Variants in MME observed in about 807,000 individuals in gnomAD.
The protein encoded by MME is neprilysin.
In MME, 98 loss-of-function variants were observed where a neutral mutation model predicts 113.2. That is an observed-to-expected ratio of 0.87 (90% CI 0.74 to 1.02). MME has a LOEUF of 1.02. Among genes scored for constraint, MME ranks in the 50% least tolerant of loss-of-function variants. The pLI, the probability that MME is intolerant of heterozygous loss-of-function variation, is 0.00. For synonymous variants in MME, 292 were observed against 300.6 expected (o/e 0.97, Z 0.30); for missense variants, 836 against 896.0 (o/e 0.93, Z 0.86).
At chr3:155,142,559 G>C (rs1225256998) in intron 12 of MME, among the ~76,000 whole-genome samples, 2 of 152,100 alleles carry the variant, frequency 1.3e-5, no homozygotes, top group Non-Finnish European at 1.5e-5. Context: ...GTCCTGTAAG[G>C]AGTTACATTT....
chr3:155,095,568 C>T (rs1225445306), intron 3 of MME, among the ~76,000 whole-genome samples: 1 of 151,824 alleles, frequency 6.6e-6, no homozygotes, highest in African/African-American at 2.4e-5. Flanking sequence ...TTTTTAGAGG[C>T]AGGGTCTCCT....
intron 1 of MME, among the ~76,000 whole-genome samples, chr3:155,057,380 A>G (rs961495716): frequency 1.3e-5 from 2 of 152,156 alleles, no homozygotes; most frequent in East Asian, 3.8e-4. Flanking sequence ...AGAAATGCAA[A>G]TCAAAACCAC....
intron 8 of MME, among the ~76,000 whole-genome samples, chr3:155,125,128 G>C (rs1303803452): frequency 7.2e-6 from 1 of 138,634 alleles, no homozygotes; most frequent in African/African-American, 2.6e-5. Context: ...GTGGTGCGCC[G>C]TTTTTAAGCC....
At chr3:155,139,620 G>T (rs1302593870) in intron 9 of MME, among the ~76,000 whole-genome samples, 1 of 152,128 alleles carries the variant, frequency 6.6e-6, no homozygotes, top group Non-Finnish European at 1.5e-5. Context: ...GATGCTGCTG[G>T]TCTGGCAGGA....
intron 20 of MME, among the ~76,000 whole-genome samples, chr3:155,170,147 G>A (rs1365959452): frequency 2.0e-5 from 3 of 152,160 alleles, no homozygotes; most frequent in Non-Finnish European, 4.4e-5. Flanking sequence ...CTGGGTTCAA[G>A]CAATTCTCCT....
intron 3 of MME, among the ~76,000 whole-genome samples, chr3:155,109,187 TGTG>T (rs1250341738): frequency 1.5e-5 from 2 of 137,768 alleles, no homozygotes; most frequent in Non-Finnish European, 3.2e-5. Context: ...TGTTGGTGCT[TGTG>T]GTTCTTGAGA....
At position 155,140,265 on chromosome 3, in the gene MME, T is replaced by A. The variant is rs535222266; in HGVS notation, c.930T>A (p.Asn310Lys). The part of the protein sequence containing the change: ...YNKMTLAQIQ[N>K]NFSLEINGKP... ...AGATGACATTGGCCCAGATCCAAAA[T>A]AACTTTTCACTAGAGATCAATGGGA... The change falls in exon 10 of 23, where the codon AAT (asparagine) becomes AAA (lysine). Residue 310 changes from asparagine to lysine, a missense_variant. Transcript: ENST00000360490. 1.2e-5 allele frequency: 19 copies of A among 1,612,440 alleles called. No homozygotes were observed. The African/African-American group carries it at 2.4e-4, about 20-fold the overall frequency.
rs999927688 is a variant in MME at position 155,085,000 on chromosome 3, A to T, written c.161-59A>T. On this transcript the variant is annotated intron_variant, in intron 2 of 22. Transcript: ENST00000360490. ...GGCAGTTTTTAAAAGAACAAAAGAA[A>T]AATAGAAATTTAAAAATTTGTGTTG... is the stretch of plus-strand genomic sequence containing the variant. 10 of 1,232,932 alleles carry T rather than the reference A, an allele frequency of 8.1e-6. No homozygotes were observed. In the Admixed American group the frequency reaches 1.7e-4, roughly 21 times the overall value. The allele number at this position is 1,232,932 out of a possible 1,614,324, so 76.4% of individuals were successfully genotyped here.
In MME at chr3:155,182,154, C is replaced by T. The variant is rs1126662; in HGVS notation, c.*1695C>T. On this transcript the variant is annotated 3_prime_UTR_variant, in exon 23 of 23. Transcript: ENST00000360490. The stretch of plus-strand genomic sequence containing the variant: ...GCTTTGCCTGGTTTTGTCTTTTATG[C>T]AGATAGAATCAATCAGTATGTATTC... The T allele has an allele frequency of 0.6, 91,218 of 152,028 alleles. 27,415 individuals are homozygous for T. Among genetic ancestry groups the T allele is most frequent in the East Asian group, 0.71 (3,691 of 5,174 alleles). 9.4% of individuals were successfully genotyped at this position (152,028 alleles called of 1,614,324 possible).
intron 17 of MME, among the ~76,000 whole-genome samples, chr3:155,164,549 A>AG (rs3836434): frequency 0.14 from 21,368 of 152,054 alleles, 2,022 homozygotes; most frequent in East Asian, 0.26. Context: ...GAACCATAAA[A>AG]TCTTATCACT....
intron 16 of MME, among the ~76,000 whole-genome samples, chr3:155,157,248 C>A (rs1722384441): frequency 6.6e-6 from 1 of 152,086 alleles, no homozygotes; most frequent in African/African-American, 2.4e-5. Context: ...CCCCACTCTT[C>A]ACTTTATACC....
chr3:155,162,734 T>G lies in MME; in HGVS notation c.1660+2286T>G, dbSNP rs558309993. Among the ~76,000 whole-genome samples the G allele has an allele frequency of 9.9e-5, 15 of 151,998 alleles. No individual in the cohort carries two copies. In the South Asian group the frequency reaches 3.1e-3, roughly 32 times the overall value. ...TCTTGATAGGAATGTTTATGTGGGCTGGGTGTGGTGGCTCATGTCTGTAAT... is the reference window on the plus strand; with the variant it reads ...TCTTGATAGGAATGTTTATGTGGGCGGGGTGTGGTGGCTCATGTCTGTAAT... On this transcript the variant is annotated intron_variant, in intron 17 of 22. Transcript: ENST00000360490.
intron 1 of MME, among the ~76,000 whole-genome samples, chr3:155,063,525 T>A (rs1220445866): frequency 1.7e-5 from 2 of 115,016 alleles, no homozygotes; most frequent in African/African-American, 7.2e-5. Context: ...ATATATATAT[T>A]AAAAATATAT....
intron 1 of MME, among the ~76,000 whole-genome samples, chr3:155,042,912 ATATATATATATATATATATATATATATG>A (rs1171985057): frequency 0.01 from 442 of 43,028 alleles, 8 homozygotes; most frequent in African/African-American, 0.034. Context: ...ATATATATAT[ATATATATATATATATATATATATATATG>A]TATATATATA....
intron 3 of MME, among the ~76,000 whole-genome samples, chr3:155,106,558 A>G (rs1050978396): frequency 6.6e-6 from 1 of 152,094 alleles, no homozygotes; most frequent in South Asian, 2.1e-4. Context: ...CAGTTTTCAC[A>G]TTGCTGCCTT....
In MME at chr3:155,084,157, G is replaced by T. The variant is rs1085307704; in HGVS notation, c.-10-1G>T. 6.2e-7 allele frequency: 1 copy of T among 1,612,470 alleles called. No homozygotes were observed. ...ATTATTAGTATTTTCATTTTTTGCA[G>T]ATTTTAGGTGATGGGCAAGTCAGAA... On this transcript the variant is annotated splice_acceptor_variant, in intron 1 of 22. Transcript: ENST00000360490. LOFTEE classifies it low-confidence loss of function (5UTR_SPLICE).
chr3:155,176,476 G>A (rs1712530399), intron 22 of MME, among the ~76,000 whole-genome samples: 1 of 152,096 alleles, frequency 6.6e-6, no homozygotes. Flanking sequence ...TTCATGTAAT[G>A]TGATCTCACT....
chr3:155,114,858 T>C (rs527623532), intron 3 of MME, 136 bp from the exon 4 acceptor site: 367 of 808,688 alleles, frequency 4.5e-4, no homozygotes, highest in Non-Finnish European at 7.3e-4. Flanking sequence ...TCCCCCTGAA[T>C]TGACTTATAT....
intron 3 of MME, 92 bp from the exon 4 acceptor site, chr3:155,114,902 C>A: frequency 1.6e-6 from 2 of 1,286,866 alleles, no homozygotes; most frequent in Non-Finnish European, 1.1e-6. Context: ...CAAATTGATG[C>A]AATCAAAAGG....
Sources: gnomAD v4.1 joint callset for allele counts (sites outside exome capture counted in the v4.1 genomes callset) on GRCh38, gnomAD v4.1.1 for gene constraint, MANE v1.5 for transcripts, NCBI Gene and HGNC (gene_info 2026-07-23, HGNC 2026-07-21) for gene names.